HDAC5: variants seen among roughly 807,000 people sequenced by gnomAD.
The protein encoded by HDAC5 is histone deacetylase 5.
Under a neutral mutation model 133.3 loss-of-function variants are expected in HDAC5, and 25 were observed. The ratio of observed to expected loss-of-function variants is 0.19; its 90% CI spans 0.14 to 0.26. The LOEUF is 0.26. Among genes scored for constraint, HDAC5 ranks in the 10% least tolerant of loss-of-function variants. HDAC5 has a pLI of 1.00. For missense variants in HDAC5, 1,041 were observed against 1,460.5 expected, an observed-to-expected ratio of 0.71 and a Z score of 4.68; for synonymous variants, 589 against 610.8, an observed-to-expected ratio of 0.96 and a Z score of 0.53.
At chr17:44,087,725 C>T in intron 12 of HDAC5, 29 bp from the exon 13 acceptor site, 6 of 1,538,952 alleles carry the variant, frequency 3.9e-6, no homozygotes, top group Non-Finnish European at 5.3e-6. Flanking sequence ...GGCACATCAG[C>T]TGGGAGTTGG....
chr17:44,085,230 C>G, intron 14 of HDAC5, 75 bp from the exon 15 acceptor site: 1 of 1,418,974 alleles, frequency 7.0e-7, no homozygotes, highest in Non-Finnish European at 9.4e-7. Context: ...TGATCCTCAG[C>G]AGGGCTCATG....
chr17:44,111,949 C>G (rs1007167918), intron 2 of HDAC5, among the ~76,000 whole-genome samples: 17 of 152,186 alleles, frequency 1.1e-4, no homozygotes, highest in African/African-American at 4.1e-4. Context: ...GGCAATGTGC[C>G]AGGTGCAGTG....
chr17:44,078,621 G>A lies in HDAC5; in HGVS notation c.3208C>T (p.Arg1070Trp), dbSNP rs149082494. The change falls in exon 26 of 27, where the codon CGG becomes TGG. Residue 1070 changes from arginine (R) to tryptophan (W), a missense_variant. Arg to Trp is a moderately radical substitution (Grantham distance 101). Transcript: ENST00000682912. ...CVQKFAAGLG[R>W]SLREAQAGET... is the part of the protein sequence containing the mutation. Reference sequence around the variant, plus strand: ...CCTGCTTGGGCCTCTCGCAGGGACCGGCCCAGACCAGCGGCGAACTTCTGC... The same window carrying A: ...CCTGCTTGGGCCTCTCGCAGGGACCAGCCCAGACCAGCGGCGAACTTCTGC... 1.5e-4 allele frequency: 241 copies of A among 1,607,132 alleles called. 1 individual carries two copies. The highest frequency in any genetic ancestry group is 1.9e-4 in the Non-Finnish European group (224 of 1,179,788).
chr17:44,078,539 T>C lies in HDAC5; in HGVS notation c.3290A>G (p.Glu1097Gly). The change falls in exon 26 of 27, where the codon GAG becomes GGG. Residue 1097 changes from glutamate to glycine, a missense_variant. Physicochemically the swap from Glu to Gly is moderately conservative, Grantham distance 98 (BLOSUM62 -2). This residue lies in a region of HDAC5 where 95 missense variants were observed against 107.3 expected (regional missense o/e 0.88). Transcript: ENST00000682912. ...CCGGGCTGCCGCAGCCTGGGCCTGC[T>C]CGGCCCCCACCGACAGCAAGGCCAT... The part of the protein sequence containing the change: ...SAMALLSVGA[E>G]QAQAAAAREH... The C allele has an allele frequency of 6.2e-7, 1 of 1,612,124 alleles. No homozygotes were observed. Among genetic ancestry groups the C allele is most frequent in the Non-Finnish European group, 8.5e-7 (1 of 1,179,706 alleles).
intron 3 of HDAC5, among the ~76,000 whole-genome samples, chr17:44,095,722 G>A (rs1034078641): frequency 6.6e-6 from 1 of 152,066 alleles, no homozygotes; most frequent in Non-Finnish European, 1.5e-5. Flanking sequence ...GGGAATAAGA[G>A]GATGGGCGGG....
chr17:44,105,086 C>T (rs560175679), intron 3 of HDAC5, among the ~76,000 whole-genome samples: 1 of 152,286 alleles, frequency 6.6e-6, no homozygotes, highest in South Asian at 2.1e-4. Context: ...GGCTCTCTGT[C>T]TTCTCCCCAC....
chr17:44,101,200 TC>T (rs1204048582), intron 3 of HDAC5, among the ~76,000 whole-genome samples: 1 of 149,490 alleles, frequency 6.7e-6, no homozygotes, highest in East Asian at 2.0e-4. Context: ...GGTCAGGAGA[TC>T]AAGACCACCC....
intron 3 of HDAC5, among the ~76,000 whole-genome samples, chr17:44,101,383 C>A (rs972840745): frequency 8.4e-6 from 1 of 119,004 alleles, no homozygotes; most frequent in Non-Finnish European, 1.6e-5. Flanking sequence ...TGCACTCCAG[C>A]CTTGGCGACA....
At chr17:44,078,908 G>A (rs1048078356) in intron 24 of HDAC5, 29 bp from the exon 25 acceptor site, 16 of 1,611,142 alleles carry the variant, frequency 9.9e-6, no homozygotes, top group African/African-American at 1.3e-5. Flanking sequence ...GAAGGCTTAG[G>A]GTGGGGAGTA....
chr17:44,094,337 C>A (rs71371969), intron 3 of HDAC5, among the ~76,000 whole-genome samples: 6,432 of 141,230 alleles, frequency 0.046, 419 homozygotes, highest in African/African-American at 0.15. Context: ...AAAAAAAAAA[C>A]AAAAAACAAA....
chr17:44,081,254 CT>C (rs761764368), intron 20 of HDAC5, among the ~76,000 whole-genome samples: 107 of 146,760 alleles, frequency 7.3e-4, no homozygotes, highest in Admixed American at 6.1e-4. Context: ...GAGATTCTTT[CT>C]TTTTTTTTTT....
chr17:44,082,909 G>A (rs1244676932), intron 18 of HDAC5, 89 bp from the exon 19 acceptor site: 2 of 1,142,300 alleles, frequency 1.8e-6, no homozygotes, highest in Admixed American at 2.0e-5. Flanking sequence ...AAGCCAGGCA[G>A]GGAAGTGAAC....
intron 25 of HDAC5, 32 bp downstream of exon 25, chr17:44,078,763 C>A: frequency 6.2e-7 from 1 of 1,612,300 alleles, no homozygotes; most frequent in Non-Finnish European, 8.5e-7. Context: ...GCCCCCTTGG[C>A]AGCCTGAGCC....
intron 3 of HDAC5, among the ~76,000 whole-genome samples, chr17:44,097,743 G>A (rs1350744446): frequency 6.6e-6 from 1 of 152,252 alleles, no homozygotes; most frequent in Non-Finnish European, 1.5e-5. Flanking sequence ...CCTGCCCAGG[G>A]AAGGGCAGAG....
At chr17:44,107,854 C>G (rs1412693264) in intron 3 of HDAC5, among the ~76,000 whole-genome samples, 5 of 152,132 alleles carry the variant, frequency 3.3e-5, no homozygotes. Flanking sequence ...CTGGCACAAG[C>G]AGGATTCACA....
rs998703107 is a variant in HDAC5 at position 44,123,611 on chromosome 17, G to C, written c.-297C>G. 2.8e-5 allele frequency: 11 copies of C among 396,800 alleles called. No homozygotes were observed. The highest frequency in any genetic ancestry group is 4.1e-5 in the African/African-American group (2 of 48,524). The allele number at this position is 396,800 out of a possible 1,614,324, so 24.6% of individuals were successfully genotyped here. A position where few individuals can be genotyped will look rare whatever the true frequency, so the allele number is the denominator to read the frequency against. Reference sequence around the variant, plus strand: ...CCTCCATCTTTGCGGCGGCTCCTCCGGCTCCGCTCGCCGCCGCCACCAACA... The same window carrying C: ...CCTCCATCTTTGCGGCGGCTCCTCCCGCTCCGCTCGCCGCCGCCACCAACA... On this transcript the variant is annotated 5_prime_UTR_variant, in exon 1 of 27. Transcript: ENST00000682912.
chr17:44,114,255 G>A lies in HDAC5; in HGVS notation c.22+3239C>T, dbSNP rs538402240. 2.0e-5 allele frequency among the ~76,000 whole-genome samples: 3 copies of A among 152,334 alleles called. No individual in the cohort carries two copies. In the East Asian group the frequency reaches 5.8e-4, roughly 29 times the overall value. ...CCAGGGGGCATCTCAGTAGAGAAGG[G>A]AGGCCAGGAGTCTACTTCTCAGACC... On this transcript the variant is annotated intron_variant, in intron 2 of 26. Transcript: ENST00000682912.
At chr17:44,097,793 G>C (rs1353085171) in intron 3 of HDAC5, among the ~76,000 whole-genome samples, 1 of 152,254 alleles carries the variant, frequency 6.6e-6, no homozygotes, top group African/African-American at 2.4e-5. Context: ...ACCCTGCCTA[G>C]GGCTGGAACT....
At chr17:44,120,304 T>A (rs182478333) in intron 1 of HDAC5, 1 of 152,336 alleles carries the variant, frequency 6.6e-6, no homozygotes, top group African/African-American at 2.4e-5. Flanking sequence ...TGGAGTCCAG[T>A]ACCACCATGC....
Sources: gnomAD v4.1 joint callset for allele counts (sites outside exome capture counted in the v4.1 genomes callset) on GRCh38, gnomAD v4.1.1 for gene constraint, gnomAD v4.1.1 regional missense constraint, MANE v1.5 for transcripts, NCBI Gene and HGNC (gene_info 2026-07-23, HGNC 2026-07-21) for gene names.